Variants in LRRIQ3 observed in about 807,000 individuals in gnomAD.
LRRIQ3 encodes leucine rich repeats and IQ motif containing 3, also known as leucine-rich repeat and IQ domain-containing protein 3.
A neutral mutation model predicts 59.3 loss-of-function variants in LRRIQ3; 75 were observed. The observed-to-expected ratio is 1.26, with a 90% CI of 1.05 to 1.53. LRRIQ3 has a LOEUF of 1.53. LRRIQ3 is among the 40% of genes most tolerant of loss of function. The probability of loss-of-function intolerance (pLI) is 0.00; values close to 1 mark genes in which losing one functional copy is unlikely to be tolerated. For synonymous variants in LRRIQ3, 250 were observed against 231.3 expected (o/e 1.08, Z -0.73); for missense variants, 831 against 710.0 (o/e 1.17, Z -1.94).
chr1:74,180,926 C>G (rs1343821765), intron 3 of LRRIQ3: 1 of 752,822 alleles, frequency 1.3e-6, no homozygotes, highest in Non-Finnish European at 2.1e-6. Context: ...TCTTTAGCAA[C>G]TAACACTAGC....
intron 4 of LRRIQ3, among the ~76,000 whole-genome samples, chr1:74,110,230 C>T (rs964715070): frequency 1.3e-5 from 2 of 151,842 alleles, no homozygotes; most frequent in African/African-American, 4.8e-5. Context: ...TGTAATCTTT[C>T]ATCAAACCTA....
In LRRIQ3 at chr1:74,183,570, G is replaced by T; in HGVS notation, c.115C>A (p.His39Asn). Residue 39 changes from histidine to asparagine, a missense_variant, in exon 2 of 8, where the codon CAT becomes AAT. Physicochemically the swap from His to Asn is moderately conservative, Grantham distance 68. Coordinates refer to ENST00000354431, the MANE Select transcript of LRRIQ3 (RefSeq NM_001105659.2). ...TGCAAATTTTCCATAGACTTTAAATGAAGGCCATTGAACTTCACAAAAACA... is the reference window on the plus strand; with the variant it reads ...TGCAAATTTTCCATAGACTTTAAATTAAGGCCATTGAACTTCACAAAAACA... Reference protein sequence around the residue: ...DFVFVKFNGLHLKSMENLQSC... With the variant: ...DFVFVKFNGLNLKSMENLQSC... 1.2e-6 allele frequency: 2 copies of T among 1,612,004 alleles called. No individual in the cohort carries two copies. The highest frequency in any genetic ancestry group is 1.7e-6 in the Non-Finnish European group (2 of 1,178,746).
At chr1:74,153,168 C>G (rs1002740854) in intron 4 of LRRIQ3, among the ~76,000 whole-genome samples, 1 of 152,112 alleles carries the variant, frequency 6.6e-6, no homozygotes, top group South Asian at 2.1e-4. Context: ...GCTGCCTTTA[C>G]GTAGGTTTAG....
At chr1:74,126,888 T>C (rs1646943239) in intron 4 of LRRIQ3, among the ~76,000 whole-genome samples, 1 of 151,950 alleles carries the variant, frequency 6.6e-6, no homozygotes, top group African/African-American at 2.4e-5. Context: ...GTAGTCTAAG[T>C]CCAGTGTTTC....
intron 4 of LRRIQ3, among the ~76,000 whole-genome samples, chr1:74,122,137 T>C (rs924628334): frequency 6.6e-6 from 1 of 152,152 alleles, no homozygotes; most frequent in Non-Finnish European, 1.5e-5. Context: ...TTTCTAGTTC[T>C]AGATCCCTGA....
At chr1:74,034,396 G>T (rs893481462) in intron 7 of LRRIQ3, among the ~76,000 whole-genome samples, 1 of 151,802 alleles carries the variant, frequency 6.6e-6, no homozygotes, top group African/African-American at 2.4e-5. Flanking sequence ...TAATACTTTT[G>T]CAGTAGCTTA....
intron 5 of LRRIQ3, among the ~76,000 whole-genome samples, 192 bp from the exon 6 acceptor site, chr1:74,074,982 A>T (rs17094798): frequency 0.034 from 5,100 of 152,226 alleles, 307 homozygotes; most frequent in African/African-American, 0.12. Flanking sequence ...ACAATCTGTC[A>T]TTCTACTAAT....
At chr1:74,095,458 T>C (rs990796055) in intron 5 of LRRIQ3, among the ~76,000 whole-genome samples, 1 of 152,122 alleles carries the variant, frequency 6.6e-6, no homozygotes, top group South Asian at 2.1e-4. Flanking sequence ...ATAACATGTA[T>C]AACAAAATTT....
chr1:74,165,943 T>C (rs1214751692), intron 3 of LRRIQ3, among the ~76,000 whole-genome samples: 1 of 151,630 alleles, frequency 6.6e-6, no homozygotes, highest in Admixed American at 6.6e-5. Flanking sequence ...TATATTTTTA[T>C]ATACTGCTGA....
intron 7 of LRRIQ3, among the ~76,000 whole-genome samples, chr1:74,030,884 G>C (rs987356279): frequency 1.3e-5 from 2 of 152,136 alleles, no homozygotes; most frequent in Non-Finnish European, 2.9e-5. Flanking sequence ...CTAATATCTA[G>C]AATCTACAAA....
At chr1:74,051,993 C>T (rs1036419786) in intron 6 of LRRIQ3, among the ~76,000 whole-genome samples, 3 of 152,038 alleles carry the variant, frequency 2.0e-5, no homozygotes, top group African/African-American at 7.2e-5. Flanking sequence ...TCTACAGGTT[C>T]CTGAATAACT....
At chr1:74,122,154 G>A (rs896408957) in intron 4 of LRRIQ3, among the ~76,000 whole-genome samples, 19 of 152,188 alleles carry the variant, frequency 1.2e-4, no homozygotes, top group East Asian at 1.9e-4. Flanking sequence ...CTGAGGAATC[G>A]CCACACTGAC....
chr1:74,090,248 T>C lies in LRRIQ3; in HGVS notation c.868-15458A>G, dbSNP rs576527264. Among the ~76,000 whole-genome samples, 370 of 152,176 alleles carry C rather than the reference T, an allele frequency of 2.4e-3. 2 individuals are homozygous for C. Among genetic ancestry groups the C allele is most frequent in the Non-Finnish European group, 4.2e-3 (283 of 68,000 alleles). ...CTTTGGGGATCCAAATATAAATTATTTGATGGCATCTACAGAATTATAATA... is the reference window on the plus strand; with the variant it reads ...CTTTGGGGATCCAAATATAAATTATCTGATGGCATCTACAGAATTATAATA... On this transcript the variant is annotated intron_variant, in intron 5 of 7. Transcript: ENST00000354431.
chr1:74,067,043 G>C (rs1485596853), intron 6 of LRRIQ3, among the ~76,000 whole-genome samples: 1 of 152,106 alleles, frequency 6.6e-6, no homozygotes, highest in Non-Finnish European at 1.5e-5. Context: ...AGAATACTTT[G>C]TAAGAACAAA....
chr1:74,105,132 A>T (rs1202091368), intron 5 of LRRIQ3, among the ~76,000 whole-genome samples: 1 of 152,062 alleles, frequency 6.6e-6, no homozygotes, highest in Non-Finnish European at 1.5e-5. Context: ...ATTTTTAAAA[A>T]GATGTATAAA....
At chr1:74,180,600 A>G in intron 3 of LRRIQ3, 2 of 940,284 alleles carry the variant, frequency 2.1e-6, no homozygotes, top group South Asian at 3.9e-5. Context: ...GAGTATTTCC[A>G]CACTTATTCT....
At chr1:74,058,819 T>C (rs1654615235) in intron 6 of LRRIQ3, among the ~76,000 whole-genome samples, 1 of 152,090 alleles carries the variant, frequency 6.6e-6, no homozygotes, top group Non-Finnish European at 1.5e-5. Context: ...TGAAACATCA[T>C]ACTGTACCCC....
chr1:74,048,277 G>GGATGGTT (rs1488894760), intron 6 of LRRIQ3, among the ~76,000 whole-genome samples: 1 of 152,026 alleles, frequency 6.6e-6, no homozygotes, highest in Non-Finnish European at 1.5e-5. Context: ...GATCACCCTG[G>GGATGGTT]GATGGTTATT....
intron 3 of LRRIQ3, among the ~76,000 whole-genome samples, chr1:74,177,273 A>C (rs1038813627): frequency 1.4e-4 from 22 of 152,040 alleles, no homozygotes; most frequent in African/African-American, 5.3e-4. Context: ...CCCAGCCTAC[A>C]TCTTTCTCCT....
Sources: gnomAD v4.1 joint callset for allele counts (sites outside exome capture counted in the v4.1 genomes callset) on GRCh38, gnomAD v4.1.1 for gene constraint, MANE v1.5 for transcripts, NCBI Gene and HGNC (gene_info 2026-07-23, HGNC 2026-07-21) for gene names.